ERBB2: variants seen among roughly 807,000 people sequenced by gnomAD.
ERBB2 encodes the protein erb-b2 receptor tyrosine kinase 2.
ERBB2 carries 61 observed loss-of-function variants against 149.0 expected under a neutral mutation model. The ratio of observed to expected loss-of-function variants is 0.41; its 90% CI spans 0.33 to 0.51. The LOEUF (loss-of-function observed/expected upper bound fraction) is 0.51, where lower values mean the gene tolerates loss of function less well. Ranked by LOEUF, ERBB2 falls within the 20% of genes least tolerant of loss-of-function variation. The pLI is 0.25. For missense variants in ERBB2, 1,205 were observed against 1,655.1 expected (o/e 0.73, Z 4.72); for synonymous variants, 633 against 678.8 (o/e 0.93, Z 1.05).
At chr17:39,691,556 A>AAAAAAAAAAAAAAATAT (rs573116217), upstream of ERBB2, among the ~76,000 whole-genome samples, 10 of 84,162 alleles carry the variant, frequency 1.2e-4, no homozygotes, top group African/African-American at 3.5e-4. Context: ...TAAAAAAAAA[A>AAAAAAAAAAAAAAATAT]ATATATATAT....
At position 39,715,831 on chromosome 17, in the gene ERBB2, C is replaced by T. The variant is rs2145655358; in HGVS notation, c.1405C>T (p.His469Tyr). The change falls in exon 12 of 27, where the codon CAC becomes TAC. Residue 469 changes from histidine to tyrosine, a missense_variant. This residue lies in a region of ERBB2 where 569 missense variants were observed against 803.5 expected (regional missense o/e 0.71). Coordinates refer to ENST00000269571, the MANE Select transcript of ERBB2 (RefSeq NM_004448.4). ...RELGSGLALI[H>Y]HNTHLCFVHT... ...ACTGGGCAGTGGACTGGCCCTCATC[C>T]ACCATAACACCCACCTCTGCTTCGT... 1.2e-6 allele frequency: 2 copies of T among 1,612,004 alleles called. No homozygotes were observed. The highest frequency in any genetic ancestry group is 1.7e-6 in the Non-Finnish European group (2 of 1,180,032).
intron 15 of ERBB2, among the ~76,000 whole-genome samples, chr17:39,719,310 C>T (rs1201166521): frequency 6.6e-6 from 1 of 151,946 alleles, no homozygotes. Flanking sequence ...CCATATGGAT[C>T]CTAGATCCAG....
At chr17:39,720,062 C>T (rs2059366960) in intron 16 of ERBB2, 1 of 556,174 alleles carries the variant, frequency 1.8e-6, no homozygotes, top group South Asian at 2.0e-5. Flanking sequence ...AGTCCCTCCA[C>T]ACCCTAGAGT....
chr17:39,703,063 C>G (rs2058202446), intron 1 of ERBB2: 1 of 152,330 alleles, frequency 6.6e-6, no homozygotes, highest in South Asian at 2.1e-4. Context: ...TGGAGCTGAG[C>G]TGGGGGCCCT....
At position 39,723,847 on chromosome 17, in the gene ERBB2, C is replaced by T; in HGVS notation, c.2209-65C>T. The T allele has an allele frequency of 6.6e-7, 1 of 1,518,750 alleles. No individual in the cohort carries two copies. 94.1% of individuals were successfully genotyped at this position (1,518,750 alleles called of 1,614,324 possible). Reference sequence around the variant, plus strand: ...GGATGTTTGGAGGACAAGTAATGATCTCCTGGAAGGCAGGTAGGATCCAGC... The same window carrying T: ...GGATGTTTGGAGGACAAGTAATGATTTCCTGGAAGGCAGGTAGGATCCAGC... On this transcript the variant is annotated intron_variant, in intron 18 of 26. Coordinates refer to ENST00000269571, the MANE Select transcript of ERBB2 (RefSeq NM_004448.4). This position sits in a 1 kb window ranked among gnomAD's most constrained non-coding sequence, Gnocchi z 6.2.
intron 2 of ERBB2, chr17:39,708,047 A>G: frequency 2.7e-6 from 1 of 364,456 alleles, no homozygotes; most frequent in Non-Finnish European, 5.0e-6. Flanking sequence ...CTTTGCTTTC[A>G]CTGATGAAGA....
chr17:39,715,328 C>A lies in ERBB2; in HGVS notation c.1191C>A (p.Leu397=). The change falls in exon 10 of 27, where the codon CTC becomes CTA. Residue 397 remains leucine (L), a synonymous_variant. Transcript: ENST00000269571. ...CTGCCCCGCTCCAGCCAGAGCAGCT[C>A]CAAGTGTTTGAGACTCTGGAAGAGA... The part of the protein sequence containing the change: ...SNTAPLQPEQ[L]QVFETLEEIT... The A allele has an allele frequency of 6.2e-7, 1 of 1,614,060 alleles. No homozygotes were observed. The highest frequency in any genetic ancestry group is 8.5e-7 in the Non-Finnish European group (1 of 1,179,958).
At chr17:39,704,934 C>T (rs1181573305) in intron 1 of ERBB2, among the ~76,000 whole-genome samples, 7 of 151,970 alleles carry the variant, frequency 4.6e-5, no homozygotes, top group South Asian at 2.1e-4. Context: ...TTTATGTTGG[C>T]GTGGGGTGTG....
chr17:39,704,470 G>A (rs951442503), intron 1 of ERBB2, among the ~76,000 whole-genome samples: 7 of 152,192 alleles, frequency 4.6e-5, no homozygotes, highest in African/African-American at 7.2e-5. Flanking sequence ...CTACTGAGGA[G>A]GCTGAGGCAG....
chr17:39,721,294 C>G (rs905347212), intron 16 of ERBB2, among the ~76,000 whole-genome samples: 7 of 118,756 alleles, frequency 5.9e-5, no homozygotes, highest in Admixed American at 1.1e-4. Context: ...GATATGGAGT[C>G]TTGCTCTGTT....
rs2145266957 is a variant in ERBB2, at chr17:39,700,242, G to T, written c.4G>T (p.Glu2Ter). The change falls in exon 1 of 27, where the codon GAG (glutamate) becomes TAG (stop). Residue 2 changes from glutamate to a stop codon, truncating the protein, a stop_gained. Transcript: ENST00000269571. LOFTEE classifies it high-confidence loss of function. ...GGCCGGAGCCGCAGTGAGCACCATG[G>T]AGCTGGCGGCCTTGTGCCGCTGGGG... The part of the protein sequence containing the change: M[E>*]LAALCRWGLL... The T allele has an allele frequency of 6.9e-7, 1 of 1,445,080 alleles. No individual in the cohort carries two copies. Among genetic ancestry groups the T allele is most frequent in the Non-Finnish European group, 9.1e-7 (1 of 1,102,934 alleles). The allele number at this position is 1,445,080 out of a possible 1,614,324, so 89.5% of individuals were successfully genotyped here. A position where few individuals can be genotyped will look rare whatever the true frequency, so the allele number is the denominator to read the frequency against.
At chr17:39,688,688 T>C (rs569436395) in intron 1 of ERBB2, 2 of 152,522 alleles carry the variant, frequency 1.3e-5, no homozygotes, top group East Asian at 3.8e-4. Flanking sequence ...TCTTCTTTTT[T>C]CTTCTAGTCG....
intron 8 of ERBB2, 25 bp from the exon 9 acceptor site, chr17:39,712,297 T>TACCCCC: frequency 1.9e-6 from 3 of 1,610,852 alleles, no homozygotes; most frequent in Non-Finnish European, 2.5e-6. Flanking sequence ...GACGGCCCCT[T>TACCCCC]CCCCACCCAC....
chr17:39,694,786 T>G (rs1005636336), upstream of ERBB2: 4 of 152,160 alleles, frequency 2.6e-5, no homozygotes, highest in African/African-American at 9.7e-5. Context: ...GCAAGTGATG[T>G]CCTGAAAGGC....
upstream of ERBB2, among the ~76,000 whole-genome samples, chr17:39,694,462 A>T (rs1001158511): frequency 2.6e-5 from 4 of 151,342 alleles, no homozygotes; most frequent in Non-Finnish European, 5.9e-5. Context: ...GCTTTAGCCC[A>T]AAGGAGAAAT....
intron 3 of ERBB2, 30 bp from the exon 4 acceptor site, chr17:39,709,288 A>G: frequency 6.2e-7 from 1 of 1,612,788 alleles, no homozygotes; most frequent in Non-Finnish European, 8.5e-7. Flanking sequence ...AGAAGGGGAA[A>G]GGGTCCTCTG....
chr17:39,721,852 G>A (rs997982912), intron 16 of ERBB2, among the ~76,000 whole-genome samples: 2 of 152,150 alleles, frequency 1.3e-5, no homozygotes, highest in African/African-American at 4.8e-5. Flanking sequence ...TATACATTCA[G>A]TATAAACCGT....
chr17:39,699,436 G>A, upstream of ERBB2: 2 of 944,768 alleles, frequency 2.1e-6, no homozygotes, highest in Non-Finnish European at 1.6e-6. Context: ...TCTCCAGCCT[G>A]GGCAACAAGA....
chr17:39,691,599 A>ACACATACC (rs1296068019), upstream of ERBB2, among the ~76,000 whole-genome samples: 3 of 146,136 alleles, frequency 2.1e-5, no homozygotes, highest in Non-Finnish European at 3.0e-5. Flanking sequence ...ACACACACAC[A>ACACATACC]CATACCCTCT....
Sources: gnomAD v4.1 joint callset for allele counts (sites outside exome capture counted in the v4.1 genomes callset) on GRCh38, gnomAD v4.1.1 for gene constraint, gnomAD v4.1.1 regional missense constraint, Gnocchi (gnomAD v3.1) non-coding constraint, MANE v1.5 for transcripts, NCBI Gene and HGNC (gene_info 2026-07-23, HGNC 2026-07-21) for gene names.